The following NSD1 variants were observed in gnomAD, a reference collection of about 807,000 sequenced individuals.
NSD1 encodes histone-lysine N-methyltransferase, H3 lysine-36 specific.
In NSD1, 26 loss-of-function variants were observed where a neutral mutation model predicts 242.7. The ratio of observed to expected loss-of-function variants is 0.11; its 90% CI spans 0.08 to 0.15. The LOEUF is 0.15. NSD1 is among the 10% of genes least tolerant of loss of function. The pLI is 1.00. For synonymous variants in NSD1, 1,106 were observed against 1,178.1 expected (o/e 0.94, Z 1.25); for missense variants, 2,495 against 3,272.8 (o/e 0.76, Z 5.80).
intron 2 of NSD1, among the ~76,000 whole-genome samples, chr5:177,178,157 A>C (rs1018411137): frequency 1.3e-5 from 2 of 152,124 alleles, no homozygotes; most frequent in Non-Finnish European, 2.9e-5. Flanking sequence ...TGGCCTGCTA[A>C]AGTGCTTGAA....
At chr5:177,262,511 A>G (rs1441402374) in intron 14 of NSD1, among the ~76,000 whole-genome samples, 1 of 152,220 alleles carries the variant, frequency 6.6e-6, no homozygotes, top group African/African-American at 2.4e-5. Flanking sequence ...AGGAGGCCCA[A>G]ATCACTAAGC....
At chr5:177,250,592 C>T (rs116073750) in intron 11 of NSD1, among the ~76,000 whole-genome samples, 11 of 148,432 alleles carry the variant, frequency 7.4e-5, no homozygotes, top group Non-Finnish European at 1.3e-4. Context: ...TATATAGAAA[C>T]GTTATTGGCA....
At chr5:177,165,231 G>A (rs1281409572) in intron 2 of NSD1, among the ~76,000 whole-genome samples, 1 of 152,100 alleles carries the variant, frequency 6.6e-6, no homozygotes, top group Non-Finnish European at 1.5e-5. Flanking sequence ...GAGTACAGTG[G>A]TGGGATCACA....
At chr5:177,231,267 T>C (rs1765033452) in intron 5 of NSD1, among the ~76,000 whole-genome samples, 3 of 152,008 alleles carry the variant, frequency 2.0e-5, no homozygotes, top group Admixed American at 1.3e-4. Context: ...TAACTTTTTG[T>C]AGGGACGAGG....
chr5:177,280,334 G>C (rs1331630678), intron 17 of NSD1, among the ~76,000 whole-genome samples: 1 of 152,136 alleles, frequency 6.6e-6, no homozygotes, highest in African/African-American at 2.4e-5. Flanking sequence ...GAGTGCAGTG[G>C]TGAAATCTTG....
intron 13 of NSD1, 79 bp downstream of exon 13, chr5:177,257,230 T>A (rs1756551215): frequency 3.5e-5 from 15 of 430,514 alleles, no homozygotes; most frequent in Non-Finnish European, 4.3e-5. Flanking sequence ...TTTTCTTTCT[T>A]TTTTTTTTTT....
At position 177,283,546 on chromosome 5, in the gene NSD1, C is replaced by T. The variant is rs28395268; in HGVS notation, c.6010-241C>T. Among the ~76,000 whole-genome samples, 8,903 of 152,206 alleles carry T rather than the reference C, an allele frequency of 0.058. 396 individuals are homozygous for T. Among genetic ancestry groups the T allele is most frequent in the Non-Finnish European group, 0.094 (6,396 of 68,018 alleles). On this transcript the variant is annotated intron_variant, in intron 19 of 22. Transcript: ENST00000439151. ...ATATAACGCAGAATGCTGCACCCCACAGTCTCTGCTTTAGTGTATTTGAAG... is the reference window on the plus strand; with the variant it reads ...ATATAACGCAGAATGCTGCACCCCATAGTCTCTGCTTTAGTGTATTTGAAG...
In NSD1 at chr5:177,273,701, G is replaced by C; in HGVS notation, c.5539G>C (p.Glu1847Gln). Residue 1847 changes from glutamate (E) to glutamine (Q), a missense_variant, in exon 17 of 23, where the codon GAA (glutamate) becomes CAA (glutamine). Glu to Gln is a conservative substitution (Grantham distance 29). Coordinates refer to ENST00000439151, the MANE Select transcript of NSD1 (RefSeq NM_022455.5). ...ALQEAAARFEELKAQKELRQL... is the reference protein window; with the variant it reads ...ALQEAAARFEQLKAQKELRQL... ...TCAGGAAGCTGCAGCAAGGTTTGAG[G>C]AATTAAAGGCCCAAAAAGAGCTAAG... 6.2e-7 allele frequency: 1 copy of C among 1,613,580 alleles called. No homozygotes were observed. The highest frequency in any genetic ancestry group is 8.5e-7 in the Non-Finnish European group (1 of 1,179,724).
At chr5:177,230,619 A>C (rs1478101193) in intron 5 of NSD1, among the ~76,000 whole-genome samples, 1 of 152,080 alleles carries the variant, frequency 6.6e-6, no homozygotes, top group Admixed American at 6.6e-5. Flanking sequence ...TGAGGACAGG[A>C]GTTTGAGACC....
intron 2 of NSD1, among the ~76,000 whole-genome samples, chr5:177,180,089 T>TTTTA (rs1462813801): frequency 6.6e-6 from 1 of 150,496 alleles, no homozygotes; most frequent in Non-Finnish European, 1.5e-5. Flanking sequence ...TTATTTTTTA[T>TTTTA]TTTATTTATT....
chr5:177,146,584 A>C (rs1423017084), intron 2 of NSD1, among the ~76,000 whole-genome samples: 4 of 152,186 alleles, frequency 2.6e-5, no homozygotes, highest in Admixed American at 1.3e-4. Flanking sequence ...TCCTTAAAAG[A>C]AATCTGTATT....
Position 177,135,450 on chromosome 5 carries a change from T to C in NSD1, c.347T>C (p.Leu116Ser). Residue 116 changes from leucine (L) to serine (S), a missense_variant, in exon 2 of 23, where the codon TTG (leucine) becomes TCG (serine). Physicochemically the swap from Leu to Ser is moderately radical, Grantham distance 145. Coordinates refer to ENST00000439151, the MANE Select transcript of NSD1 (RefSeq NM_022455.5). ...RAQTPIVCTS[L>S]SPGGPTALAM... Reference sequence around the variant, plus strand: ...CAGACGCCAATTGTTTGCACTTCCTTGAGTCCTGGTGGTCCTACAGCACTT... The same window carrying C: ...CAGACGCCAATTGTTTGCACTTCCTCGAGTCCTGGTGGTCCTACAGCACTT... The C allele has an allele frequency of 6.2e-7, 1 of 1,614,222 alleles. No individual in the cohort carries two copies. The highest frequency in any genetic ancestry group is 8.5e-7 in the Non-Finnish European group (1 of 1,180,036).
chr5:177,261,609 C>A (rs1757006385), intron 14 of NSD1, among the ~76,000 whole-genome samples: 1 of 152,036 alleles, frequency 6.6e-6, no homozygotes, highest in South Asian at 2.1e-4. Context: ...GTGCTCATTT[C>A]TCTGCTTTGA....
intron 13 of NSD1, 130 bp from the exon 14 acceptor site, chr5:177,259,859 C>T: frequency 1.0e-6 from 1 of 966,720 alleles, no homozygotes; most frequent in Non-Finnish European, 1.6e-6. Context: ...TAAGATCCAT[C>T]ATCTTAGTGG....
At chr5:177,196,329 C>A (rs1762101017) in intron 3 of NSD1, among the ~76,000 whole-genome samples, 2 of 152,144 alleles carry the variant, frequency 1.3e-5, no homozygotes, top group Admixed American at 1.3e-4. Context: ...TTTAAAAGTT[C>A]ACTGTGGCTG....
At chr5:177,228,661 G>A (rs1347838820) in intron 5 of NSD1, among the ~76,000 whole-genome samples, 2 of 152,088 alleles carry the variant, frequency 1.3e-5, no homozygotes, top group Non-Finnish European at 2.9e-5. Context: ...TATTGGAAGA[G>A]TGATGTTGCT....
chr5:177,186,842 C>A (rs551036388), intron 2 of NSD1, among the ~76,000 whole-genome samples: 1 of 152,136 alleles, frequency 6.6e-6, no homozygotes, highest in East Asian at 1.9e-4. Context: ...TGGTGTGTGC[C>A]TTTAGTCCCA....
chr5:177,262,952 T>G (rs973470058), intron 14 of NSD1, among the ~76,000 whole-genome samples: 1 of 152,208 alleles, frequency 6.6e-6, no homozygotes, highest in African/African-American at 2.4e-5. Flanking sequence ...TGAGCCAGAT[T>G]AAATTGTGTA....
chr5:177,293,447 G>A (rs1760004428), intron 22 of NSD1, among the ~76,000 whole-genome samples: 1 of 151,972 alleles, frequency 6.6e-6, no homozygotes, highest in African/African-American at 2.4e-5. Flanking sequence ...TTATTTAAAA[G>A]CTGTATAGTA....
Sources: allele counts gnomAD v4.1 joint callset (sites outside exome capture counted in the v4.1 genomes callset), GRCh38; gene constraint gnomAD v4.1.1; transcripts MANE v1.5; gene names NCBI Gene and HGNC (gene_info 2026-07-23, HGNC 2026-07-21).